PDE8B: variants seen among roughly 807,000 people sequenced by gnomAD.
PDE8B encodes the protein high affinity cAMP-specific and IBMX-insensitive 3',5'-cyclic phosphodiesterase 8B.
PDE8B carries 26 observed loss-of-function variants against 101.3 expected under a neutral mutation model. That is an observed-to-expected ratio of 0.26 (90% CI 0.19 to 0.36). The LOEUF is 0.36. PDE8B is among the 10% of genes least tolerant of loss of function. The pLI, the probability that PDE8B is intolerant of heterozygous loss-of-function variation, is 1.00. For synonymous variants in PDE8B, 424 were observed against 429.3 expected (o/e 0.99, Z 0.15); for missense variants, 810 against 1,163.1 (o/e 0.70, Z 4.42).
chr5:77,349,494 C>T lies in PDE8B; in HGVS notation c.952C>T (p.Pro318Ser). The change falls in exon 8 of 22, where the codon CCC becomes TCC. Residue 318 changes from proline to serine, a missense_variant. Pro to Ser is a moderately conservative substitution (Grantham distance 74, BLOSUM62 -1). Transcript: ENST00000264917. Reference protein sequence around the residue: ...ELLGKELADLPKSDKNRADLL... With the variant: ...ELLGKELADLSKSDKNRADLL... ...CCTGGGAAAAGAACTCGCTGATCTG[C>T]CCAAAAGCGATAAGAACCGGGCAGA... 6.2e-7 allele frequency: 1 copy of T among 1,614,118 alleles called. No individual in the cohort carries two copies. Among genetic ancestry groups the T allele is most frequent in the Non-Finnish European group, 8.5e-7 (1 of 1,180,004 alleles).
At chr5:77,281,608 T>TTCGCC (rs1765015658) in intron 1 of PDE8B, among the ~76,000 whole-genome samples, 1 of 152,164 alleles carries the variant, frequency 6.6e-6, no homozygotes. Flanking sequence ...CAAATCTCCA[T>TTCGCC]TCGCCTCCCT....
intron 1 of PDE8B, among the ~76,000 whole-genome samples, chr5:77,303,552 G>A (rs1309152596): frequency 1.3e-5 from 2 of 149,006 alleles, no homozygotes; most frequent in Non-Finnish European, 3.0e-5. Context: ...CTGGGCAACA[G>A]AGCAAGACTC....
intron 1 of PDE8B, among the ~76,000 whole-genome samples, chr5:77,278,493 G>A (rs251423): frequency 0.16 from 24,421 of 151,666 alleles, 2,295 homozygotes; most frequent in Non-Finnish European, 0.21. Flanking sequence ...TTTTTGAGAC[G>A]GAGTCTCACT....
chr5:77,379,902 C>CT (rs1787127405), intron 10 of PDE8B, among the ~76,000 whole-genome samples: 1 of 152,178 alleles, frequency 6.6e-6, no homozygotes, highest in East Asian at 1.9e-4. Context: ...GACTCAGTTC[C>CT]TGCGATCACA....
chr5:77,378,181 C>T (rs1271548260), intron 10 of PDE8B, among the ~76,000 whole-genome samples: 1 of 152,098 alleles, frequency 6.6e-6, no homozygotes, highest in East Asian at 1.9e-4. Context: ...TAGGTACTGG[C>T]CGGGCACGGC....
At chr5:77,171,686 G>A in the PDE8B span, among the ~76,000 whole-genome samples, 1 of 152,188 alleles carries the variant, frequency 6.6e-6, no homozygotes, top group South Asian at 2.1e-4. Context: ...GTTAAAAAAT[G>A]GTGCAGTGTC....
chr5:77,336,749 G>A (rs540615229), intron 5 of PDE8B, among the ~76,000 whole-genome samples: 1 of 152,258 alleles, frequency 6.6e-6, no homozygotes, highest in South Asian at 2.1e-4. Flanking sequence ...CCTAGGAGTG[G>A]AATTGCTGGA....
At chr5:77,203,010 A>T in the PDE8B span, among the ~76,000 whole-genome samples, 7 of 152,336 alleles carry the variant, frequency 4.6e-5, no homozygotes, top group African/African-American at 1.7e-4. Flanking sequence ...TTAAAGTTAC[A>T]GTCTTATTGA....
At chr5:77,292,113 T>A (rs1767498996) in intron 1 of PDE8B, among the ~76,000 whole-genome samples, 1 of 152,176 alleles carries the variant, frequency 6.6e-6, no homozygotes, top group Admixed American at 6.5e-5. Context: ...AAGAGCTTTT[T>A]TTGCTTTTTA....
chr5:77,177,532 A>G, the PDE8B span, among the ~76,000 whole-genome samples: 1 of 152,238 alleles, frequency 6.6e-6, no homozygotes, highest in African/African-American at 2.4e-5. Flanking sequence ...ACCTCAACAT[A>G]CAATTATTTT....
intron 1 of PDE8B, among the ~76,000 whole-genome samples, chr5:77,273,817 T>C (rs1479539496): frequency 6.6e-6 from 1 of 151,766 alleles, no homozygotes; most frequent in East Asian, 1.9e-4. Flanking sequence ...TTTTTATTTA[T>C]TTTTTATTTT....
chr5:77,361,633 G>C (rs1248357398), intron 10 of PDE8B, among the ~76,000 whole-genome samples: 8 of 151,612 alleles, frequency 5.3e-5, no homozygotes, highest in Admixed American at 5.3e-4. Flanking sequence ...TCCCGCCTCA[G>C]CCTCCCAAGT....
intron 2 of PDE8B, among the ~76,000 whole-genome samples, chr5:77,317,644 T>C (rs992370316): frequency 8.5e-5 from 13 of 152,080 alleles, no homozygotes; most frequent in African/African-American, 2.7e-4. Flanking sequence ...GAGGCAGAGA[T>C]TCAAATCAAC....
intron 1 of PDE8B, among the ~76,000 whole-genome samples, chr5:77,292,961 T>A (rs970712323): frequency 1.3e-5 from 2 of 152,176 alleles, no homozygotes; most frequent in Non-Finnish European, 2.9e-5. Flanking sequence ...TGTTTTTCAA[T>A]ATTCTCATGG....
rs1798213352 is a variant in PDE8B, at chr5:77,426,746, T to C, written c.*192T>C. 1 of 605,810 alleles carries C rather than the reference T, an allele frequency of 1.7e-6. No individual in the cohort carries two copies. The highest frequency in any genetic ancestry group is 3.0e-6 in the Non-Finnish European group (1 of 336,340). The allele number at this position is 605,810 out of a possible 1,614,324, so 37.5% of individuals were successfully genotyped here. A position where few individuals can be genotyped will look rare whatever the true frequency, so the allele number is the denominator to read the frequency against. ...GTTATGTTCCATGAAGAAAAATATATGTTCTTTTGAATACTTAATGACAGA... is the reference window on the plus strand; with the variant it reads ...GTTATGTTCCATGAAGAAAAATATACGTTCTTTTGAATACTTAATGACAGA... On this transcript the variant is annotated 3_prime_UTR_variant, in exon 22 of 22. Transcript: ENST00000264917.
chr5:77,328,120 A>G (rs1244572838), intron 3 of PDE8B, among the ~76,000 whole-genome samples: 1 of 152,190 alleles, frequency 6.6e-6, no homozygotes, highest in Non-Finnish European at 1.5e-5. Context: ...TTCCCTTCCA[A>G]GATATCTCAG....
At chr5:77,375,341 C>T (rs1043331176) in intron 10 of PDE8B, among the ~76,000 whole-genome samples, 1 of 152,168 alleles carries the variant, frequency 6.6e-6, no homozygotes, top group African/African-American at 2.4e-5. Context: ...CAGGGAGGGT[C>T]AGGTTAGACA....
chr5:77,415,351 A>ATTTTTTT (rs71606293), intron 17 of PDE8B, among the ~76,000 whole-genome samples: 5 of 88,738 alleles, frequency 5.6e-5, no homozygotes, highest in Non-Finnish European at 6.2e-5. Context: ...ATAAGCTAAA[A>ATTTTTTT]TTTTTTTTTT....
At chr5:77,348,759 TGCA>T (rs1780579433) in intron 7 of PDE8B, among the ~76,000 whole-genome samples, 1 of 152,202 alleles carries the variant, frequency 6.6e-6, no homozygotes, top group African/African-American at 2.4e-5. Context: ...CATAGCTCAC[TGCA>T]GCCTGAAACT....
Sources: allele counts gnomAD v4.1 joint callset (sites outside exome capture counted in the v4.1 genomes callset), GRCh38; gene constraint gnomAD v4.1.1; transcripts MANE v1.5; gene names NCBI Gene and HGNC (gene_info 2026-07-23, HGNC 2026-07-21).